Variants in PTPRN2 observed in about 807,000 individuals in gnomAD.
The protein encoded by PTPRN2 is receptor-type tyrosine-protein phosphatase N2.
A neutral mutation model predicts 118.8 loss-of-function variants in PTPRN2; 74 were observed. The observed-to-expected ratio is 0.62, with a 90% CI of 0.52 to 0.76. The LOEUF (loss-of-function observed/expected upper bound fraction) is 0.76, where lower values mean the gene tolerates loss of function less well. Ranked by LOEUF, PTPRN2 falls within the 30% of genes least tolerant of loss-of-function variation. PTPRN2 has a pLI of 0.00. For synonymous variants in PTPRN2, 641 were observed against 608.0 expected (o/e 1.05, Z -0.80); for missense variants, 1,481 against 1,394.4 (o/e 1.06, Z -0.99).
intron 19 of PTPRN2, among the ~76,000 whole-genome samples, chr7:157,576,336 A>G (rs1253240878): frequency 6.6e-6 from 1 of 152,218 alleles, no homozygotes; most frequent in Non-Finnish European, 1.5e-5. Context: ...CTCTTTGTCA[A>G]CTGAAGAACC....
At chr7:157,597,912 T>A (rs1801441513) in intron 16 of PTPRN2, among the ~76,000 whole-genome samples, 1 of 152,248 alleles carries the variant, frequency 6.6e-6, no homozygotes, top group Non-Finnish European at 1.5e-5. Context: ...TACATTCATT[T>A]AATTCCAGGC....
chr7:158,059,033 C>T (rs1810065448), intron 11 of PTPRN2, among the ~76,000 whole-genome samples: 1 of 123,818 alleles, frequency 8.1e-6, no homozygotes, highest in Admixed American at 7.5e-5. Context: ...CACAGTGAGA[C>T]ACCACTGCAG....
intron 2 of PTPRN2, among the ~76,000 whole-genome samples, chr7:158,428,216 C>T (rs557983735): frequency 2.0e-5 from 3 of 152,314 alleles, no homozygotes; most frequent in African/African-American, 7.2e-5. Flanking sequence ...ACTCTCTCAT[C>T]CCAAAATGGA....
intron 13 of PTPRN2, among the ~76,000 whole-genome samples, chr7:157,672,100 C>T (rs1336726562): frequency 1.3e-5 from 2 of 152,008 alleles, no homozygotes; most frequent in Non-Finnish European, 2.9e-5. Context: ...ACGGGTCGCA[C>T]GTGGGGTGTC....
intron 13 of PTPRN2, among the ~76,000 whole-genome samples, chr7:157,668,721 A>G (rs1796260715): frequency 6.6e-6 from 1 of 152,148 alleles, no homozygotes; most frequent in Admixed American, 6.5e-5. Flanking sequence ...TAAAACGGTT[A>G]AGGAAAAAGC....
In PTPRN2 at chr7:158,093,146, C is replaced by T. The variant is rs575614809; in HGVS notation, c.1644-11769G>A. On this transcript the variant is annotated intron_variant, in intron 10 of 22. Coordinates refer to ENST00000389418, the MANE Select transcript of PTPRN2 (RefSeq NM_002847.5). This position sits in a 1 kb window ranked among gnomAD's most constrained non-coding sequence, Gnocchi z 4.4. ...CACCTCTGTCCTTTCCTGACTCTGC[C>T]GCTGGACCGACCCCCACACCATAGA... 4.6e-5 allele frequency among the ~76,000 whole-genome samples: 7 copies of T among 150,768 alleles called. No homozygotes were observed. Among genetic ancestry groups the T allele is most frequent in the Admixed American group, 6.6e-5 (1 of 15,192 alleles).
intron 4 of PTPRN2, among the ~76,000 whole-genome samples, chr7:158,203,276 AAAGGAAGG>A (rs920552413): frequency 1.3e-4 from 20 of 151,626 alleles, no homozygotes; most frequent in Middle Eastern, 6.9e-3. Context: ...GAGGAAAGAA[AAAGGAAGG>A]AAGGAAGGGA....
intron 13 of PTPRN2, among the ~76,000 whole-genome samples, chr7:157,670,435 G>A (rs182582781): frequency 2.6e-5 from 4 of 152,210 alleles, no homozygotes; most frequent in Admixed American, 1.3e-4. Flanking sequence ...ACATTGGAAG[G>A]AAACACAGAA....
chr7:157,883,644 C>CA (rs1796292103), intron 12 of PTPRN2, among the ~76,000 whole-genome samples: 2 of 150,042 alleles, frequency 1.3e-5, no homozygotes, highest in African/African-American at 4.9e-5. Flanking sequence ...CATGCCACCC[C>CA]AAAATGACTG....
intron 12 of PTPRN2, among the ~76,000 whole-genome samples, chr7:157,821,139 T>C (rs4144246): frequency 0.11 from 16,270 of 152,250 alleles, 1,480 homozygotes; most frequent in East Asian, 0.22. Flanking sequence ...CCAATGCCAC[T>C]CGGGTGTACT....
rs1823627036 is a variant in PTPRN2 at position 158,517,044 on chromosome 7, C to T, written c.113-27259G>A. ...TCCTTCCAAACCACTAGACCTGGGG[C>T]ACCTTGGGCCCCAGCATGGTGCCTC... On this transcript the variant is annotated intron_variant, in intron 1 of 22. Transcript: ENST00000389418. The surrounding 1 kb of genome is among the most constrained non-coding windows in gnomAD (Gnocchi z 5.3). 6.6e-6 allele frequency among the ~76,000 whole-genome samples: 1 copy of T among 152,206 alleles called. No individual in the cohort carries two copies. The highest frequency in any genetic ancestry group is 2.4e-5 in the African/African-American group (1 of 41,444).
intron 17 of PTPRN2, among the ~76,000 whole-genome samples, chr7:157,592,200 T>C (rs1214553845): frequency 7.2e-5 from 11 of 152,224 alleles, no homozygotes; most frequent in Admixed American, 5.9e-4. Flanking sequence ...CACTCTAAAA[T>C]AGCCCATAAG....
At chr7:157,855,282 C>T (rs1166544605) in intron 12 of PTPRN2, among the ~76,000 whole-genome samples, 6 of 152,232 alleles carry the variant, frequency 3.9e-5, no homozygotes, top group East Asian at 1.9e-4. Flanking sequence ...GCCCAGGGAG[C>T]GGCCCCAACC....
intron 2 of PTPRN2, among the ~76,000 whole-genome samples, chr7:158,347,769 TC>T (rs1563186514): frequency 6.6e-6 from 1 of 152,236 alleles, no homozygotes; most frequent in Non-Finnish European, 1.5e-5. Context: ...TGCCTTGTCT[TC>T]CATTTCTTTC....
intron 12 of PTPRN2, among the ~76,000 whole-genome samples, chr7:157,727,366 C>T (rs1799658561): frequency 6.6e-6 from 1 of 152,144 alleles, no homozygotes; most frequent in Non-Finnish European, 1.5e-5. Flanking sequence ...TGAAATAAGC[C>T]AGTCACCAAA....
At chr7:157,701,564 C>T (rs1798066555) in intron 12 of PTPRN2, among the ~76,000 whole-genome samples, 1 of 152,230 alleles carries the variant, frequency 6.6e-6, no homozygotes, top group Non-Finnish European at 1.5e-5. Context: ...GCTCCAGATG[C>T]ACCTTCCAGG....
intron 11 of PTPRN2, among the ~76,000 whole-genome samples, chr7:157,939,613 G>A (rs532306870): frequency 6.6e-6 from 1 of 152,382 alleles, no homozygotes; most frequent in Non-Finnish European, 1.5e-5. Flanking sequence ...GCAAAGGTGA[G>A]GCCCTGAGGC....
At chr7:157,999,153 C>A (rs1805027800) in intron 11 of PTPRN2, among the ~76,000 whole-genome samples, 1 of 152,112 alleles carries the variant, frequency 6.6e-6, no homozygotes, top group Non-Finnish European at 1.5e-5. Flanking sequence ...GCCAGCCCCT[C>A]ACACCCCTGC....
In PTPRN2 at chr7:158,551,661, T is replaced by TG. The variant is rs11424888; in HGVS notation, c.112+35896dup. 6.3e-3 allele frequency among the ~76,000 whole-genome samples: 629 copies of TG among 99,512 alleles called. 52 individuals carry two copies. Among genetic ancestry groups the TG allele is most frequent in the African/African-American group, 0.025 (586 of 23,310 alleles). The allele number at this position is 99,512 out of a possible 152,430, so 65.3% of individuals were successfully genotyped here. A position where few individuals can be genotyped will look rare whatever the true frequency, so the allele number is the denominator to read the frequency against. On this transcript the variant is annotated intron_variant, in intron 1 of 22. Transcript: ENST00000389418. ...GGGGTAGAGCTCTAACACATGCATT[T>TG]GGGGGGCCCCAGCTCCTAACCCATT... is the stretch of plus-strand genomic sequence containing the variant.
Sources: gnomAD v4.1 joint callset for allele counts (sites outside exome capture counted in the v4.1 genomes callset) on GRCh38, gnomAD v4.1.1 for gene constraint, Gnocchi (gnomAD v3.1) non-coding constraint, MANE v1.5 for transcripts, NCBI Gene and HGNC (gene_info 2026-07-23, HGNC 2026-07-21) for gene names.